The following RBM43 variants were observed in gnomAD, a reference collection of about 807,000 sequenced individuals.
The protein encoded by RBM43 is RNA binding motif protein 43, also known as RNA-binding protein 43.
A neutral mutation model predicts 12.4 loss-of-function variants in RBM43; 12 were observed. That is an observed-to-expected ratio of 0.97 (90% CI 0.62 to 1.57). The LOEUF is 1.57. RBM43 is among the 40% of genes most tolerant of loss of function. The pLI, the probability that RBM43 is intolerant of heterozygous loss-of-function variation, is 0.00. For synonymous variants in RBM43, 138 were observed against 145.7 expected (o/e 0.95, Z 0.38); for missense variants, 348 against 400.1 (o/e 0.87, Z 1.11).
intron 3 of RBM43, 64 bp downstream of exon 3, chr2:151,252,691 A>G (rs941844122): frequency 1.1e-6 from 1 of 886,798 alleles, no homozygotes; most frequent in African/African-American, 1.7e-5. Context: ...GCCTGCCATA[A>G]GAAAAACTTC....
At chr2:151,252,991 A>C (rs1000334202) in intron 2 of RBM43, 136 bp from the exon 3 acceptor site, 22 of 539,924 alleles carry the variant, frequency 4.1e-5, no homozygotes, top group Non-Finnish European at 7.0e-5. Flanking sequence ...CAACATTCAA[A>C]TCACTTTTTT....
In RBM43 at chr2:151,250,893, T is replaced by G; in HGVS notation, c.*13A>C. On this transcript the variant is annotated 3_prime_UTR_variant, in exon 4 of 4. Coordinates refer to ENST00000331426, the MANE Select transcript of RBM43 (RefSeq NM_198557.3). ...GAGAAAGCAGCCCTTATGACTATAT[T>G]GCTGAGATTTTATTAACTAACCTTT... is the stretch of plus-strand genomic sequence containing the variant. 6.4e-7 allele frequency: 1 copy of G among 1,567,550 alleles called. No homozygotes were observed. Among genetic ancestry groups the G allele is most frequent in the African/African-American group, 1.4e-5 (1 of 73,324 alleles).
In RBM43 at chr2:151,251,672, T is replaced by C; in HGVS notation, c.316-8A>G. The C allele has an allele frequency of 6.3e-7, 1 of 1,598,260 alleles. No homozygotes were observed. The highest frequency in any genetic ancestry group is 1.8e-5 in the Admixed American group (1 of 55,966). ...ATTTACAGAGCTGAAGATCTGAAAT[T>C]AAAAAGAGAGAAATGAAAACAGTAC... On this transcript the variant is annotated splice_polypyrimidine_tract_variant and splice_region_variant and intron_variant, in intron 3 of 3. Coordinates refer to ENST00000331426, the MANE Select transcript of RBM43 (RefSeq NM_198557.3).
At position 151,255,606 on chromosome 2, in the gene RBM43, G is replaced by A. The variant is rs374706829; in HGVS notation, c.141C>T (p.Gly47=). Residue 47 remains glycine, a synonymous_variant, in exon 2 of 4, where the codon GGC becomes GGT. Transcript: ENST00000331426. ...GATATATCACATCTTCAACATCTCC[G>A]CCCTCATTCTTAATGTCTTGGAAGT... The part of the protein sequence containing the change: ...KSHFQDIKNE[G]GDVEDVIYPT... 5.1e-5 allele frequency: 82 copies of A among 1,613,036 alleles called. No individual in the cohort carries two copies. The Middle Eastern group carries it at 8.2e-4, about 16-fold the overall frequency.
chr2:151,255,848 G>A, intron 1 of RBM43, 105 bp from the exon 2 acceptor site: 3 of 816,572 alleles, frequency 3.7e-6, no homozygotes, highest in Non-Finnish European at 5.9e-6. Flanking sequence ...AAAAGTGCCG[G>A]TGCAGCTGGT....
intron 1 of RBM43, 32 bp downstream of exon 1, chr2:151,261,693 G>T: frequency 6.3e-7 from 1 of 1,592,876 alleles, no homozygotes; most frequent in Non-Finnish European, 8.5e-7. Flanking sequence ...GCACGGACCT[G>T]CACCGCAAAA....
chr2:151,250,896 T>C lies in RBM43; in HGVS notation c.*10A>G, dbSNP rs373224811. On this transcript the variant is annotated 3_prime_UTR_variant, in exon 4 of 4. Coordinates refer to ENST00000331426, the MANE Select transcript of RBM43 (RefSeq NM_198557.3). ...AAAGCAGCCCTTATGACTATATTGC[T>C]GAGATTTTATTAACTAACCTTTTGC... 10 of 1,572,230 alleles carry C rather than the reference T, an allele frequency of 6.4e-6. No homozygotes were observed. In the African/African-American group the frequency reaches 1.4e-4, roughly 21 times the overall value.
rs899351800 is a variant in RBM43 at position 151,261,805 on chromosome 2, G to A, written c.-78C>T. On this transcript the variant is annotated 5_prime_UTR_variant, in exon 1 of 4. Transcript: ENST00000331426. ...ACGCAGGCGATGGGGAGAGGAGCGA[G>A]CAGGCAGGTTTTGGTTTCGTTTTTT... is the stretch of plus-strand genomic sequence containing the variant. The A allele has an allele frequency of 6.6e-7, 1 of 1,520,120 alleles. No individual in the cohort carries two copies. 94.2% of individuals were successfully genotyped at this position (1,520,120 alleles called of 1,614,324 possible). A position where few individuals can be genotyped will look rare whatever the true frequency, so the allele number is the denominator to read the frequency against.
chr2:151,254,049 C>A (rs1452488530), intron 2 of RBM43, among the ~76,000 whole-genome samples: 2 of 152,018 alleles, frequency 1.3e-5, no homozygotes, highest in African/African-American at 4.8e-5. Flanking sequence ...TGTCGTAGCA[C>A]TTATTTATGA....
chr2:151,251,641 G>A lies in RBM43; in HGVS notation c.339C>T (p.Ile113=). The change falls in exon 4 of 4, where the codon ATC becomes ATT. Residue 113 remains isoleucine (I), a synonymous_variant. Transcript: ENST00000331426. Reference sequence around the variant, plus strand: ...CTTTTCCAAAAACAGAAAGATCAAGGATGGCATTTACAGAGCTGAAGATCT... The same window carrying A: ...CTTTTCCAAAAACAGAAAGATCAAGAATGGCATTTACAGAGCTGAAGATCT... ...GDKIFSSVNA[I]LDLSVFGKEV... The A allele has an allele frequency of 1.2e-6, 2 of 1,612,302 alleles. No individual in the cohort carries two copies. Among genetic ancestry groups the A allele is most frequent in the Non-Finnish European group, 1.7e-6 (2 of 1,179,584 alleles).
chr2:151,260,913 C>T (rs892780820), intron 1 of RBM43: 1 of 275,360 alleles, frequency 3.6e-6, no homozygotes, highest in Admixed American at 4.9e-5. Flanking sequence ...TATCAGAAAG[C>T]AAAAAGTATA....
rs1465224248 is a variant in RBM43 at position 151,251,315 on chromosome 2, A to T, written c.665T>A (p.Leu222His). ...CAGGTAAAGAAAAACATCTGTGTCA[A>T]GCACAAGCATTTCTCCACTTCTAGC... ...ETARSGEMLVLDTDVFLYLKH... is the reference protein window; with the variant it reads ...ETARSGEMLVHDTDVFLYLKH... The change falls in exon 4 of 4, where the codon CTT (leucine) becomes CAT (histidine). Residue 222 changes from leucine (L) to histidine (H), a missense_variant. Physicochemically the swap from Leu to His is moderately conservative, Grantham distance 99. Coordinates refer to ENST00000331426, the MANE Select transcript of RBM43 (RefSeq NM_198557.3). The T allele has an allele frequency of 1.2e-6, 2 of 1,614,002 alleles. No homozygotes were observed. Among genetic ancestry groups the T allele is most frequent in the Non-Finnish European group, 1.7e-6 (2 of 1,179,996 alleles).
intron 1 of RBM43, chr2:151,261,195 A>G: frequency 6.7e-7 from 1 of 1,489,636 alleles, no homozygotes. Context: ...TAAGACAAGA[A>G]TTCGCACCAA....
rs571174344 is a variant in RBM43, at chr2:151,251,139, C to T, written c.841G>A (p.Glu281Lys). ...NNAKHVKELI[E>K]EWSHALYLKL... is the part of the protein sequence containing the mutation. ...AAGTAAAGAGCATGTGACCATTCCT[C>T]AATGAGCTCTTTTACATGTTTTGCA... Residue 281 changes from glutamate to lysine, a missense_variant, in exon 4 of 4, where the codon GAG becomes AAG. By Grantham distance (56) the Glu-to-Lys change is moderately conservative. Coordinates refer to ENST00000331426, the MANE Select transcript of RBM43 (RefSeq NM_198557.3). 6.2e-6 allele frequency: 10 copies of T among 1,613,616 alleles called. No individual in the cohort carries two copies. In the South Asian group the frequency reaches 6.6e-5, roughly 11 times the overall value.
intron 1 of RBM43, chr2:151,261,399 C>T: frequency 6.4e-7 from 1 of 1,550,646 alleles, no homozygotes; most frequent in Non-Finnish European, 8.7e-7. Context: ...ACGGCGGCGT[C>T]CCCGTCGCCT....
At position 151,251,666 on chromosome 2, in the gene RBM43, T is replaced by A. The variant is rs752900051; in HGVS notation, c.316-2A>T. On this transcript the variant is annotated splice_acceptor_variant, in intron 3 of 3. Coordinates refer to ENST00000331426, the MANE Select transcript of RBM43 (RefSeq NM_198557.3). LOFTEE classifies it high-confidence loss of function. ...GATGGCATTTACAGAGCTGAAGATC[T>A]GAAATTAAAAAGAGAGAAATGAAAA... 5 of 1,599,898 alleles carry A rather than the reference T, an allele frequency of 3.1e-6. No homozygotes were observed. Among genetic ancestry groups the A allele is most frequent in the Non-Finnish European group, 3.4e-6 (4 of 1,175,752 alleles).
rs1015434638 is a variant in RBM43, at chr2:151,249,885, A to G, written c.*1021T>C. 4 of 152,198 alleles carry G rather than the reference A, an allele frequency of 2.6e-5. No individual in the cohort carries two copies. Among genetic ancestry groups the G allele is most frequent in the Admixed American group, 1.3e-4 (2 of 15,280 alleles). The allele number at this position is 152,198 out of a possible 1,614,324, so 9.4% of individuals were successfully genotyped here. On this transcript the variant is annotated 3_prime_UTR_variant, in exon 4 of 4. Coordinates refer to ENST00000331426, the MANE Select transcript of RBM43 (RefSeq NM_198557.3). ...CACAGAGAATTACATTCTTGGAGCA[A>G]TATTATGTGTCCCAAGTACTTTTTC...
rs761288210 is a variant in RBM43, at chr2:151,251,463, G to A, written c.517C>T (p.Leu173Phe). 1.2e-6 allele frequency: 2 copies of A among 1,613,978 alleles called. No individual in the cohort carries two copies. The highest frequency in any genetic ancestry group is 1.7e-5 in the Admixed American group (1 of 60,002). The change falls in exon 4 of 4, where the codon CTC (leucine) becomes TTC (phenylalanine). Residue 173 changes from leucine (L) to phenylalanine (F), a missense_variant. Transcript: ENST00000331426. Reference sequence around the variant, plus strand: ...GTAAAATTTCTGTCTTTTTCTAAGAGAGAACATGCTCTTGCTAGCAAAGAT... The same window carrying A: ...GTAAAATTTCTGTCTTTTTCTAAGAAAGAACATGCTCTTGCTAGCAAAGAT... ...RESLLARACS[L>F]LEKDRNFTSE...
intron 1 of RBM43, among the ~76,000 whole-genome samples, chr2:151,258,280 T>C (rs1356582092): frequency 6.6e-6 from 1 of 151,652 alleles, no homozygotes; most frequent in Non-Finnish European, 1.5e-5. Flanking sequence ...TCTCCTCACA[T>C]TCCCTACCCC....
Sources: allele counts gnomAD v4.1 joint callset (sites outside exome capture counted in the v4.1 genomes callset), GRCh38; gene constraint gnomAD v4.1.1; transcripts MANE v1.5; gene names NCBI Gene and HGNC (gene_info 2026-07-23, HGNC 2026-07-21).